The following AEBP1 variants were observed in gnomAD, a reference collection of about 807,000 sequenced individuals.
AEBP1 encodes the protein AE binding protein 1, also known as adipocyte enhancer-binding protein 1.
Under a neutral mutation model 116.5 loss-of-function variants are expected in AEBP1, and 69 were observed. The ratio of observed to expected loss-of-function variants is 0.59; its 90% CI spans 0.49 to 0.72. The LOEUF (loss-of-function observed/expected upper bound fraction) is 0.72. AEBP1 is among the 30% of genes least tolerant of loss of function. The probability of loss-of-function intolerance (pLI) is 0.00; values close to 1 mark genes in which losing one functional copy is unlikely to be tolerated. For missense variants in AEBP1, 1,444 were observed against 1,557.5 expected, an observed-to-expected ratio of 0.93 and a Z score of 1.23; for synonymous variants, 627 against 627.3, an observed-to-expected ratio of 1.00 and a Z score of 0.01.
chr7:44,111,815 C>A lies in AEBP1; in HGVS notation c.1841-39C>A, dbSNP rs777140477. ...GTCCTTCCTCAGCTGCCCTGGGCCT[C>A]GGGAGACTGAGTGCTCACTGAGGCT... On this transcript the variant is annotated intron_variant, in intron 15 of 20. Coordinates refer to ENST00000223357, the MANE Select transcript of AEBP1 (RefSeq NM_001129.5). This position sits in a 1 kb window ranked among gnomAD's most constrained non-coding sequence, Gnocchi z 4.7. The A allele has an allele frequency of 6.3e-7, 1 of 1,591,992 alleles. No individual in the cohort carries two copies. Among genetic ancestry groups the A allele is most frequent in the Non-Finnish European group, 8.6e-7 (1 of 1,168,692 alleles).
chr7:44,112,714 G>GC lies in AEBP1; in HGVS notation c.2377dup (p.Arg793ProfsTer5). 6.2e-7 allele frequency: 1 copy of GC among 1,613,276 alleles called. No individual in the cohort carries two copies. Among genetic ancestry groups the GC allele is most frequent in the Non-Finnish European group, 8.5e-7 (1 of 1,179,986 alleles). On this transcript the variant is annotated frameshift_variant, in exon 18 of 21. Transcript: ENST00000223357. LOFTEE classifies it high-confidence loss of function. This position sits in a 1 kb window ranked among gnomAD's most constrained non-coding sequence, Gnocchi z 6.6. ...GCTGCTGGCCGCAGCCATGGCAGCA[G>GC]CCCGGGGGGAGGATGAGGACGAGGT...
In AEBP1 at chr7:44,113,150, G is replaced by A. The variant is rs767736560; in HGVS notation, c.2709+20G>A. ...GAGCAGGTGGGGTGGCTAGGGCAAT[G>A]CCTGGGGAGAGGAGGCTGCACAGGC... On this transcript the variant is annotated intron_variant, in intron 19 of 20. Transcript: ENST00000223357. The surrounding 1 kb of genome is among the most constrained non-coding windows in gnomAD (Gnocchi z 5.3). 1 of 1,613,654 alleles carries A rather than the reference G, an allele frequency of 6.2e-7. No individual in the cohort carries two copies. Among genetic ancestry groups the A allele is most frequent in the South Asian group, 1.1e-5 (1 of 91,074 alleles).
Position 44,114,189 on chromosome 7 carries a change from G to A in AEBP1, c.3405G>A (p.Glu1135=). The part of the protein sequence containing the change: ...FEEEEEEEKE[E]EIATGQAFPF... The stretch of plus-strand genomic sequence containing the variant: ...AAGAGGAGGAGGAGGAGAAAGAGGA[G>A]GAGATAGCCACTGGCCAGGCATTCC... Residue 1135 remains glutamate, a synonymous_variant, in exon 21 of 21, where the codon GAG becomes GAA. Coordinates refer to ENST00000223357, the MANE Select transcript of AEBP1 (RefSeq NM_001129.5). 1.9e-6 allele frequency: 3 copies of A among 1,614,108 alleles called. No homozygotes were observed. The East Asian group carries it at 6.7e-5, about 36-fold the overall frequency.
intron 9 of AEBP1, 101 bp from the exon 10 acceptor site, chr7:44,109,914 C>A: frequency 9.4e-7 from 1 of 1,062,456 alleles, no homozygotes; most frequent in Non-Finnish European, 1.4e-6. Flanking sequence ...TCTGACTGTG[C>A]CCCCGATGTG....
At position 44,110,664 on chromosome 7, in the gene AEBP1, C is replaced by T. The variant is rs552995720; in HGVS notation, c.1401-61C>T. 1,027 of 1,429,664 alleles carry T rather than the reference C, an allele frequency of 7.2e-4. 3 individuals carry two copies. The highest frequency in any genetic ancestry group is 8.9e-4 in the South Asian group (64 of 71,648). The allele number at this position is 1,429,664 out of a possible 1,614,324, so 88.6% of individuals were successfully genotyped here. A position where few individuals can be genotyped will look rare whatever the true frequency, so the allele number is the denominator to read the frequency against. On this transcript the variant is annotated intron_variant, in intron 11 of 20. Transcript: ENST00000223357. ...TCTTGGGGCTCGGAAGAGGGAGGCT[C>T]AGGCCACCTGAGGGCCTGGGAGGGG...
chr7:44,113,440 A>T lies in AEBP1; in HGVS notation c.2809+89A>T. On this transcript the variant is annotated intron_variant, in intron 20 of 20. Coordinates refer to ENST00000223357, the MANE Select transcript of AEBP1 (RefSeq NM_001129.5). The surrounding 1 kb of genome is among the most constrained non-coding windows in gnomAD (Gnocchi z 5.3). ...CTTGAGGAACTCAGCGAGCAGGTAGAGTCTGGGGAGCCTGGGGGCGAAATT... is the reference window on the plus strand; with the variant it reads ...CTTGAGGAACTCAGCGAGCAGGTAGTGTCTGGGGAGCCTGGGGGCGAAATT... The T allele has an allele frequency of 1.4e-6, 2 of 1,453,152 alleles. No homozygotes were observed. Among genetic ancestry groups the T allele is most frequent in the Non-Finnish European group, 1.9e-6 (2 of 1,070,942 alleles). The allele number at this position is 1,453,152 out of a possible 1,614,324, so 90.0% of individuals were successfully genotyped here.
Position 44,108,244 on chromosome 7 carries a change from C to T in AEBP1, c.940+160C>T, listed in dbSNP as rs2096225219. ...GCTGTCCCTGCGTGCCCACCCCAGC[C>T]ACTGCCCTGTCTCCTCTGCCCTCAG... On this transcript the variant is annotated intron_variant, in intron 6 of 20. Transcript: ENST00000223357. This position sits in a 1 kb window ranked among gnomAD's most constrained non-coding sequence, Gnocchi z 5.0. 6.6e-6 allele frequency among the ~76,000 whole-genome samples: 1 copy of T among 152,132 alleles called. No homozygotes were observed. Among genetic ancestry groups the T allele is most frequent in the Non-Finnish European group, 1.5e-5 (1 of 68,006 alleles).
chr7:44,105,215 G>C (rs2096221727), intron 1 of AEBP1, among the ~76,000 whole-genome samples: 1 of 152,218 alleles, frequency 6.6e-6, no homozygotes, highest in Non-Finnish European at 1.5e-5. Context: ...ACAGGTACTA[G>C]GCTTGAGCCA....
chr7:44,108,851 C>G lies in AEBP1; in HGVS notation c.941-48C>G. ...GCTCCTGTGGACCCAGGAGCTGAGG[C>G]CCCGCAGCAGGGTCAGGGCAGCCTC... On this transcript the variant is annotated intron_variant, in intron 6 of 20. Transcript: ENST00000223357. The surrounding 1 kb of genome is among the most constrained non-coding windows in gnomAD (Gnocchi z 5.0). The G allele has an allele frequency of 6.6e-7, 1 of 1,522,522 alleles. No homozygotes were observed. The highest frequency in any genetic ancestry group is 8.9e-7 in the Non-Finnish European group (1 of 1,122,352). The allele number at this position is 1,522,522 out of a possible 1,614,324, so 94.3% of individuals were successfully genotyped here. A position where few individuals can be genotyped will look rare whatever the true frequency, so the allele number is the denominator to read the frequency against.
chr7:44,109,177 C>A lies in AEBP1; in HGVS notation c.1089C>A (p.Asp363Glu). The A allele has an allele frequency of 6.2e-7, 1 of 1,613,786 alleles. No individual in the cohort carries two copies. The highest frequency in any genetic ancestry group is 1.1e-5 in the South Asian group (1 of 91,086). ...AGTGGGCAGTGGAGAAGGGCAAGGA[C>A]CACAAAGGTGTGTGGCTGGGGCTTG... ...TDKWAVEKGK[D>E]HKEPRKGEEL... The change falls in exon 8 of 21, where the codon GAC (aspartate) becomes GAA (glutamate). Residue 363 changes from aspartate (D) to glutamate (E), a missense_variant. Coordinates refer to ENST00000223357, the MANE Select transcript of AEBP1 (RefSeq NM_001129.5).
chr7:44,110,371 T>G, intron 11 of AEBP1, 25 bp downstream of exon 11: 1 of 1,613,340 alleles, frequency 6.2e-7, no homozygotes, highest in Non-Finnish European at 8.5e-7. Flanking sequence ...TCATGGATAG[T>G]TGGCAGAGGG....
In AEBP1 at chr7:44,110,806, A is replaced by G; in HGVS notation, c.1482A>G (p.Glu494=). Reference sequence around the variant, plus strand: ...TGATGTACACCAACGGCTATGAGGAAATGGTGGGCACCATGCCCAGGCTCT... The same window carrying G: ...TGATGTACACCAACGGCTATGAGGAGATGGTGGGCACCATGCCCAGGCTCT... ...TWVMYTNGYE[E]MTFHGNVDKD... The change falls in exon 12 of 21, where the codon GAA becomes GAG. Residue 494 remains glutamate, a synonymous_variant. Transcript: ENST00000223357. The G allele has an allele frequency of 6.4e-7, 1 of 1,566,414 alleles. No homozygotes were observed. The highest frequency in any genetic ancestry group is 8.7e-7 in the Non-Finnish European group (1 of 1,155,288).
Position 44,113,472 on chromosome 7 carries a change from G to C in AEBP1, c.2809+121G>C. ...GGAGCCTGGGGGCGAAATTCAGAGAGGGAGGGCGGTGCTGGGGGCGGGAAC... is the reference window on the plus strand; with the variant it reads ...GGAGCCTGGGGGCGAAATTCAGAGACGGAGGGCGGTGCTGGGGGCGGGAAC... On this transcript the variant is annotated intron_variant, in intron 20 of 20. Transcript: ENST00000223357. The surrounding 1 kb of genome is among the most constrained non-coding windows in gnomAD (Gnocchi z 5.3). 1 of 1,332,586 alleles carries C rather than the reference G, an allele frequency of 7.5e-7. No homozygotes were observed. Among genetic ancestry groups the C allele is most frequent in the Non-Finnish European group, 9.9e-7 (1 of 1,011,936 alleles). 82.5% of individuals were successfully genotyped at this position (1,332,586 alleles called of 1,614,324 possible).
chr7:44,107,978 G>T lies in AEBP1; in HGVS notation c.863-29G>T. 2 of 1,571,056 alleles carry T rather than the reference G, an allele frequency of 1.3e-6. No homozygotes were observed. Among genetic ancestry groups the T allele is most frequent in the South Asian group, 1.2e-5 (1 of 86,166 alleles). On this transcript the variant is annotated intron_variant, in intron 5 of 20. Coordinates refer to ENST00000223357, the MANE Select transcript of AEBP1 (RefSeq NM_001129.5). The surrounding 1 kb of genome is among the most constrained non-coding windows in gnomAD (Gnocchi z 4.3). ...GAGGTGCCATGGCCACGGCGCTCTG[G>T]CCCCCTCCTAACCTCCCCGCCTCCC...
chr7:44,114,368 G>A lies in AEBP1; in HGVS notation c.*107G>A. On this transcript the variant is annotated 3_prime_UTR_variant, in exon 21 of 21. Coordinates refer to ENST00000223357, the MANE Select transcript of AEBP1 (RefSeq NM_001129.5). ...CCCATCAGCACATGGAAGGCCCCTG[G>A]TATGGACACTGAAAGGAAGGGCTGG... 4.8e-6 allele frequency: 6 copies of A among 1,260,158 alleles called. No individual in the cohort carries two copies. The South Asian group carries it at 8.2e-5, about 17-fold the overall frequency. The allele number at this position is 1,260,158 out of a possible 1,614,324, so 78.1% of individuals were successfully genotyped here. A position where few individuals can be genotyped will look rare whatever the true frequency, so the allele number is the denominator to read the frequency against.
At position 44,113,894 on chromosome 7, in the gene AEBP1, G is replaced by A. The variant is rs1166216491; in HGVS notation, c.3110G>A (p.Arg1037His). ...CTTCGGGCACAGATGCGGCTGCGGC[G>A]CCTCAACGCCACCACCACCCTAGGC... ...LRLRAQMRLR[R>H]LNATTTLGPH... The change falls in exon 21 of 21, where the codon CGC (arginine) becomes CAC (histidine). Residue 1037 changes from arginine (R) to histidine (H), a missense_variant. Transcript: ENST00000223357. The surrounding 1 kb of genome is among the most constrained non-coding windows in gnomAD (Gnocchi z 5.3). 5 of 1,613,126 alleles carry A rather than the reference G, an allele frequency of 3.1e-6. No individual in the cohort carries two copies. Among genetic ancestry groups the A allele is most frequent in the South Asian group, 1.1e-5 (1 of 91,056 alleles).
chr7:44,113,862 C>T lies in AEBP1; in HGVS notation c.3078C>T (p.Arg1026=). The part of the protein sequence containing the change: ...RRLQQRRLQH[R]LRLRAQMRLR... ...TGCAGCAGCGACGCCTACAACACCGCCTGCGGCTTCGGGCACAGATGCGGC... is the reference window on the plus strand; with the variant it reads ...TGCAGCAGCGACGCCTACAACACCGTCTGCGGCTTCGGGCACAGATGCGGC... The change falls in exon 21 of 21, where the codon CGC becomes CGT. Residue 1026 remains arginine, a synonymous_variant. Coordinates refer to ENST00000223357, the MANE Select transcript of AEBP1 (RefSeq NM_001129.5). The surrounding 1 kb of genome is among the most constrained non-coding windows in gnomAD (Gnocchi z 5.3). 6.2e-7 allele frequency: 1 copy of T among 1,613,784 alleles called. No homozygotes were observed. The highest frequency in any genetic ancestry group is 8.5e-7 in the Non-Finnish European group (1 of 1,180,002).
chr7:44,112,088 C>T lies in AEBP1; in HGVS notation c.2037+38C>T. ...GTGAGGCTGGCCAGGGTCCAGGCAG[C>T]TGGGGGTTGTGGGGGTGTGGGTAGC... On this transcript the variant is annotated intron_variant, in intron 16 of 20. Coordinates refer to ENST00000223357, the MANE Select transcript of AEBP1 (RefSeq NM_001129.5). The surrounding 1 kb of genome is among the most constrained non-coding windows in gnomAD (Gnocchi z 6.6). 1 of 1,604,648 alleles carries T rather than the reference C, an allele frequency of 6.2e-7. No individual in the cohort carries two copies. The highest frequency in any genetic ancestry group is 8.5e-7 in the Non-Finnish European group (1 of 1,172,854).
Position 44,110,748 on chromosome 7 carries a change from T to C in AEBP1, c.1424T>C (p.Phe475Ser), listed in dbSNP as rs1400236748. The C allele has an allele frequency of 2.0e-6, 3 of 1,525,360 alleles. No homozygotes were observed. Among genetic ancestry groups the C allele is most frequent in the African/African-American group, 2.8e-5 (2 of 72,312 alleles). The allele number at this position is 1,525,360 out of a possible 1,614,324, so 94.5% of individuals were successfully genotyped here. ...SIHDDFVTTF[F>S]VGFSNDSQTW... Reference sequence around the variant, plus strand: ...AGTGACGATTTTGTGACCACCTTCTTCGTGGGCTTCAGCAATGACAGCCAG... The same window carrying C: ...AGTGACGATTTTGTGACCACCTTCTCCGTGGGCTTCAGCAATGACAGCCAG... Residue 475 changes from phenylalanine (F) to serine (S), a missense_variant, in exon 12 of 21, where the codon TTC becomes TCC. Physicochemically the swap from Phe to Ser is radical, Grantham distance 155 (BLOSUM62 -2). Coordinates refer to ENST00000223357, the MANE Select transcript of AEBP1 (RefSeq NM_001129.5).
Sources: allele counts gnomAD v4.1 joint callset (sites outside exome capture counted in the v4.1 genomes callset), GRCh38; gene constraint gnomAD v4.1.1; non-coding constraint Gnocchi (gnomAD v3.1); transcripts MANE v1.5; gene names NCBI Gene and HGNC (gene_info 2026-07-23, HGNC 2026-07-21).